The following STX19 variants were observed in gnomAD, a reference collection of about 807,000 sequenced individuals.
STX19 encodes syntaxin 19.
A neutral mutation model predicts 24.3 loss-of-function variants in STX19; 26 were observed. The ratio of observed to expected loss-of-function variants is 1.07; its 90% CI spans 0.78 to 1.48. STX19 has a LOEUF of 1.48. Ranked by LOEUF, STX19 falls within the 40% of genes most tolerant of loss-of-function variation. The probability of loss-of-function intolerance (pLI) is 0.00; values close to 1 mark genes in which losing one functional copy is unlikely to be tolerated. For synonymous variants in STX19, 116 were observed against 106.9 expected (o/e 1.09, Z -0.52); for missense variants, 367 against 331.9 (o/e 1.11, Z -0.82).
intron 1 of STX19, among the ~76,000 whole-genome samples, chr3:94,026,871 A>G (rs1044916548): frequency 1.3e-5 from 2 of 152,198 alleles, no homozygotes; most frequent in African/African-American, 4.8e-5. Context: ...TAAAAAAGAA[A>G]GAACACTAAC....
chr3:94,019,332 GACT>G (rs2076400212), intron 1 of STX19, among the ~76,000 whole-genome samples: 1 of 152,076 alleles, frequency 6.6e-6, no homozygotes, highest in African/African-American at 2.4e-5. Flanking sequence ...GAGTAGCTGG[GACT>G]ACAGGCACAT....
chr3:94,023,875 T>C (rs1188520004), intron 1 of STX19, among the ~76,000 whole-genome samples: 2 of 147,856 alleles, frequency 1.4e-5, no homozygotes, highest in Non-Finnish European at 3.1e-5. Flanking sequence ...TAAAATAATG[T>C]TGTTGTTTGA....
chr3:94,025,720 T>C (rs2076542874), intron 1 of STX19, among the ~76,000 whole-genome samples: 1 of 152,140 alleles, frequency 6.6e-6, no homozygotes, highest in African/African-American at 2.4e-5. Flanking sequence ...GTAGCCCAGG[T>C]AGTATTATGT....
intron 1 of STX19, 29 bp from the exon 2 acceptor site, chr3:94,015,311 A>G (rs1249174840): frequency 6.7e-7 from 1 of 1,485,934 alleles, no homozygotes; most frequent in Non-Finnish European, 8.9e-7. Context: ...TGTGTTGAAC[A>G]AGTAGAAATT....
chr3:94,019,749 C>T (rs530463795), intron 1 of STX19, among the ~76,000 whole-genome samples: 5 of 152,322 alleles, frequency 3.3e-5, no homozygotes, highest in African/African-American at 9.6e-5. Flanking sequence ...TCTGTTACCC[C>T]TCCGACCTCA....
intron 1 of STX19, among the ~76,000 whole-genome samples, chr3:94,023,819 AT>A (rs1282915795): frequency 2.2e-4 from 34 of 152,286 alleles, no homozygotes; most frequent in African/African-American, 7.9e-4. Context: ...TACTATATCT[AT>A]TTAAAAGAAA....
chr3:94,015,315 A>C, intron 1 of STX19, 33 bp from the exon 2 acceptor site: 6 of 1,479,860 alleles, frequency 4.1e-6, no homozygotes, highest in Non-Finnish European at 5.4e-6. Context: ...TTGAACAAGT[A>C]GAAATTTGGT....
intron 1 of STX19, among the ~76,000 whole-genome samples, chr3:94,025,375 G>A (rs1310522135): frequency 6.6e-6 from 1 of 152,080 alleles, no homozygotes; most frequent in Non-Finnish European, 1.5e-5. Flanking sequence ...TGTAAACGAT[G>A]TTTAAAGTGA....
In STX19 at chr3:94,014,668, T is replaced by C; in HGVS notation, c.602A>G (p.Glu201Gly). The part of the protein sequence containing the change: ...WEVFNESLLT[E>G]INITKAQLSE... ...AAGTTGTGCTTTAGTGATATTGATT[T>C]CTGTAAGTAAGCTTTCATTAAAAAC... The change falls in exon 2 of 2, where the codon GAA becomes GGA. Residue 201 changes from glutamate (E) to glycine (G), a missense_variant. Physicochemically the swap from Glu to Gly is moderately conservative, Grantham distance 98. Coordinates refer to ENST00000315099, the MANE Select transcript of STX19 (RefSeq NM_001001850.3). 6.2e-7 allele frequency: 1 copy of C among 1,613,626 alleles called. No homozygotes were observed. The highest frequency in any genetic ancestry group is 8.5e-7 in the Non-Finnish European group (1 of 1,179,940).
intron 1 of STX19, among the ~76,000 whole-genome samples, chr3:94,016,132 G>T (rs370787296): frequency 6.6e-6 from 1 of 151,774 alleles, no homozygotes; most frequent in Non-Finnish European, 1.5e-5. Context: ...TATATGAAAT[G>T]ACATACATAC....
Position 94,014,556 on chromosome 3 carries a change from A to G in STX19, c.714T>C (p.Leu238=). ...DLRDLFIQIS[L]LVEEQGESIN... The stretch of plus-strand genomic sequence containing the variant: ...TGCTCTCTCCTTGTTCCTCTACTAA[A>G]AGAGATATCTGAATGAAAAGATCCC... Residue 238 remains leucine (L), a synonymous_variant, in exon 2 of 2, where the codon CTT becomes CTC. Transcript: ENST00000315099. The G allele has an allele frequency of 6.2e-7, 1 of 1,612,760 alleles. No individual in the cohort carries two copies. Among genetic ancestry groups the G allele is most frequent in the Non-Finnish European group, 8.5e-7 (1 of 1,179,694 alleles).
intron 1 of STX19, 66 bp from the exon 2 acceptor site, chr3:94,015,348 C>A: frequency 8.1e-7 from 1 of 1,229,102 alleles, no homozygotes; most frequent in Non-Finnish European, 1.1e-6. Context: ...TAGCAGTTGA[C>A]TTCACATAAC....
intron 1 of STX19, among the ~76,000 whole-genome samples, chr3:94,024,827 A>G (rs1003347373): frequency 1.1e-4 from 17 of 152,090 alleles, no homozygotes; most frequent in Non-Finnish European, 2.4e-4. Context: ...GGCTCAAGCA[A>G]TCTTCCCACC....
intron 1 of STX19, among the ~76,000 whole-genome samples, chr3:94,016,440 T>C (rs1490897689): frequency 6.6e-6 from 1 of 151,638 alleles, no homozygotes; most frequent in Non-Finnish European, 1.5e-5. Flanking sequence ...TGGAGGAATC[T>C]TTAGTATGTT....
At position 94,014,899 on chromosome 3, in the gene STX19, C is replaced by T; in HGVS notation, c.371G>A (p.Gly124Asp). Residue 124 changes from glycine to aspartate, a missense_variant, in exon 2 of 2, where the codon GGT (glycine) becomes GAT (aspartate). Coordinates refer to ENST00000315099, the MANE Select transcript of STX19 (RefSeq NM_001001850.3). ...TATCCTTGTGACCACTGAAGATGGA[C>T]CATTTTCAACCTCTGACTTTTTAAC... ...KEVKKSEVEN[G>D]PSSVVTRILK... is the part of the protein sequence containing the mutation. 6.2e-7 allele frequency: 1 copy of T among 1,613,428 alleles called. No individual in the cohort carries two copies. The highest frequency in any genetic ancestry group is 8.5e-7 in the Non-Finnish European group (1 of 1,179,822).
At chr3:94,016,849 A>T (rs2076343739) in intron 1 of STX19, among the ~76,000 whole-genome samples, 1 of 151,884 alleles carries the variant, frequency 6.6e-6, no homozygotes, top group Non-Finnish European at 1.5e-5. Context: ...GTTTCACCAT[A>T]TTGGCCAGGC....
Position 94,021,097 on chromosome 3 carries a change from C to T in STX19, c.-13-5815G>A, listed in dbSNP as rs564585233. ...GAACAATTATGAAAGGAAGATTAGT[C>T]AGGAGGAATATTAGACGATACTATA... On this transcript the variant is annotated intron_variant, in intron 1 of 1. Transcript: ENST00000315099. Among the ~76,000 whole-genome samples, 4 of 151,572 alleles carry T rather than the reference C, an allele frequency of 2.6e-5. No homozygotes were observed. In the South Asian group the frequency reaches 6.2e-4, roughly 24 times the overall value.
intron 1 of STX19, among the ~76,000 whole-genome samples, chr3:94,018,755 A>G (rs996845971): frequency 6.6e-6 from 1 of 151,802 alleles, no homozygotes; most frequent in Admixed American, 6.6e-5. Context: ...CAGACCAGAG[A>G]CTCAGAAGTC....
At chr3:94,016,092 G>A (rs2076328433) in intron 1 of STX19, among the ~76,000 whole-genome samples, 1 of 151,954 alleles carries the variant, frequency 6.6e-6, no homozygotes, top group Non-Finnish European at 1.5e-5. Context: ...TCAAATTGAT[G>A]TACATAATTT....
Sources: gnomAD v4.1 joint callset for allele counts (sites outside exome capture counted in the v4.1 genomes callset) on GRCh38, gnomAD v4.1.1 for gene constraint, MANE v1.5 for transcripts, NCBI Gene and HGNC (gene_info 2026-07-23, HGNC 2026-07-21) for gene names.